TPD52: variants seen among roughly 807,000 people sequenced by gnomAD.
TPD52 encodes the protein prostate and colon associated protein.
A neutral mutation model predicts 31.3 loss-of-function variants in TPD52; 17 were observed. That is an observed-to-expected ratio of 0.54 (90% CI 0.37 to 0.82). The LOEUF (loss-of-function observed/expected upper bound fraction) is 0.82, where lower values mean the gene tolerates loss of function less well. Among genes scored for constraint, TPD52 ranks in the 40% least tolerant of loss-of-function variants. The pLI is 0.00. For synonymous variants in TPD52, 83 were observed against 89.6 expected, an observed-to-expected ratio of 0.93 and a Z score of 0.42; for missense variants, 212 against 240.1, an observed-to-expected ratio of 0.88 and a Z score of 0.77.
chr8:80,124,008 T>C (rs569606680), intron 1 of TPD52, among the ~76,000 whole-genome samples: 1 of 152,280 alleles, frequency 6.6e-6, no homozygotes, highest in East Asian at 1.9e-4. Flanking sequence ...AAAAGCCTAA[T>C]TACCTGAGCT....
intron 1 of TPD52, among the ~76,000 whole-genome samples, chr8:80,133,139 A>T (rs1240117291): frequency 1.3e-5 from 2 of 152,186 alleles, no homozygotes; most frequent in African/African-American, 4.8e-5. Flanking sequence ...CTGCATTTGT[A>T]AAACCAGGTA....
intron 1 of TPD52, among the ~76,000 whole-genome samples, chr8:80,113,070 T>C (rs1426145): frequency 0.44 from 67,603 of 151,944 alleles, 15,527 homozygotes; most frequent in East Asian, 0.79. Flanking sequence ...GAAGTCTCCA[T>C]TTGTGGTGTC....
chr8:80,166,335 C>T (rs921073928), intron 1 of TPD52, among the ~76,000 whole-genome samples: 1 of 151,874 alleles, frequency 6.6e-6, no homozygotes, highest in Non-Finnish European at 1.5e-5. Context: ...CAGGTTGAAG[C>T]GATTCTCCCG....
intron 1 of TPD52, among the ~76,000 whole-genome samples, chr8:80,101,448 C>CAAAAAAAAAAAAA (rs113660828): frequency 3.5e-5 from 4 of 114,656 alleles, no homozygotes; most frequent in Admixed American, 8.8e-5. Flanking sequence ...ACTCCCAGCT[C>CAAAAAAAAAAAAA]AAAAAAAAAA....
Position 80,042,640 on chromosome 8 carries a change from C to A in TPD52, c.484G>T (p.Glu162Ter). 6.2e-7 allele frequency: 1 copy of A among 1,610,670 alleles called. No homozygotes were observed. The highest frequency in any genetic ancestry group is 8.5e-7 in the Non-Finnish European group (1 of 1,178,248). ...CTTGCCTTTAAGTTTTCGACCTTTT[C>A]TTCAAATGATTTAAAAGTTGGGGAG... is the stretch of plus-strand genomic sequence containing the variant. ...RNSPTFKSFE[E>*]KVENLKSKVG... The change falls in exon 7 of 8, where the codon GAA (glutamate) becomes TAA (stop). Residue 162 changes from glutamate (E) to a stop codon, truncating the protein, a stop_gained. Transcript: ENST00000518937. LOFTEE classifies it high-confidence loss of function.
At chr8:80,039,885 C>CA (rs1269191554) in intron 7 of TPD52, among the ~76,000 whole-genome samples, 4 of 152,176 alleles carry the variant, frequency 2.6e-5, no homozygotes, top group Non-Finnish European at 5.9e-5. Flanking sequence ...GTCCTCATCA[C>CA]ACCCTCAGCT....
chr8:80,154,731 ACACACACACACACAC>A (rs1586408951), intron 1 of TPD52, among the ~76,000 whole-genome samples: 4 of 149,682 alleles, frequency 2.7e-5, no homozygotes, highest in Middle Eastern at 3.5e-3. Context: ...ACACACACAC[ACACACACACACACAC>A]ACACACAAAA....
chr8:80,092,097 T>A (rs539350139), intron 1 of TPD52, among the ~76,000 whole-genome samples: 1 of 152,244 alleles, frequency 6.6e-6, no homozygotes, highest in Non-Finnish European at 1.5e-5. Context: ...ATGCTTACAC[T>A]GTGTAATGAT....
chr8:80,073,121 A>C (rs150021517), intron 1 of TPD52, among the ~76,000 whole-genome samples: 1 of 152,250 alleles, frequency 6.6e-6, no homozygotes, highest in East Asian at 1.9e-4. Context: ...ACAGAAAGAA[A>C]GAAGGAAAGA....
intron 1 of TPD52, among the ~76,000 whole-genome samples, chr8:80,139,936 C>CAA (rs1412366425): frequency 3.3e-5 from 5 of 152,044 alleles, no homozygotes; most frequent in African/African-American, 1.2e-4. Flanking sequence ...CAGAAGTGAG[C>CAA]AAAACAGCTC....
chr8:80,065,794 C>A (rs67278544), intron 1 of TPD52, among the ~76,000 whole-genome samples: 10,150 of 152,102 alleles, frequency 0.067, 463 homozygotes, highest in Non-Finnish European at 0.1. Flanking sequence ...TTTTCTTTTA[C>A]ATTAATTTTT....
At chr8:80,116,150 A>T (rs933263068) in intron 1 of TPD52, among the ~76,000 whole-genome samples, 1 of 152,340 alleles carries the variant, frequency 6.6e-6, no homozygotes, top group East Asian at 1.9e-4. Context: ...AGTACCCTAC[A>T]ATATATCAAA....
chr8:80,152,502 C>T (rs1408801933), intron 1 of TPD52, among the ~76,000 whole-genome samples: 2 of 152,108 alleles, frequency 1.3e-5, no homozygotes, highest in Non-Finnish European at 2.9e-5. Context: ...GTCAGGCAGC[C>T]GGGAGCGGTG....
At chr8:80,075,374 G>A (rs2130788029) in intron 1 of TPD52, among the ~76,000 whole-genome samples, 1 of 152,312 alleles carries the variant, frequency 6.6e-6, no homozygotes, top group East Asian at 1.9e-4. Flanking sequence ...CACATCGGGT[G>A]CAAAGTGCTC....
downstream of TPD52, among the ~76,000 whole-genome samples, chr8:80,033,466 A>AAAGGTGGG (rs1809745236): frequency 6.6e-6 from 1 of 152,020 alleles, no homozygotes; most frequent in Non-Finnish European, 1.5e-5. Context: ...GGTGCCGGTG[A>AAAGGTGGG]AAGGTGGGAA....
intron 4 of TPD52, 149 bp from the exon 5 acceptor site, chr8:80,050,620 T>C (rs919834078): frequency 1.4e-5 from 9 of 643,964 alleles, no homozygotes; most frequent in African/African-American, 9.3e-5. Flanking sequence ...GAACACCTAA[T>C]AGATACATAC....
intron 2 of TPD52, among the ~76,000 whole-genome samples, chr8:80,057,153 G>C (rs193235351): frequency 6.6e-6 from 1 of 152,108 alleles, no homozygotes; most frequent in Non-Finnish European, 1.5e-5. Context: ...GGGCAACAGA[G>C]CAAGACTCTT....
chr8:80,064,448 A>T (rs1233148417), intron 2 of TPD52, 30 bp downstream of exon 2: 2 of 1,557,330 alleles, frequency 1.3e-6, no homozygotes, highest in Non-Finnish European at 1.8e-6. Flanking sequence ...TAAGTGCAAA[A>T]ATAAAGTTGC....
At chr8:80,109,084 C>T (rs1586315965) in intron 1 of TPD52, among the ~76,000 whole-genome samples, 1 of 152,168 alleles carries the variant, frequency 6.6e-6, no homozygotes, top group East Asian at 1.9e-4. Flanking sequence ...TAAAAGTGTT[C>T]CCAGTCTCAC....
Sources: allele counts gnomAD v4.1 joint callset (sites outside exome capture counted in the v4.1 genomes callset), GRCh38; gene constraint gnomAD v4.1.1; transcripts MANE v1.5; gene names NCBI Gene and HGNC (gene_info 2026-07-23, HGNC 2026-07-21).